PID1: variants seen among roughly 807,000 people sequenced by gnomAD.
PID1 encodes phosphotyrosine interaction domain containing 1.
In PID1, 10 loss-of-function variants were observed where a neutral mutation model predicts 19.1. That is an observed-to-expected ratio of 0.52 (90% CI 0.32 to 0.89). The LOEUF is 0.89. PID1 is among the 40% of genes least tolerant of loss of function. The probability of loss-of-function intolerance (pLI) is 0.03; values close to 1 mark genes in which losing one functional copy is unlikely to be tolerated. For missense variants in PID1, 248 were observed against 285.3 expected, an observed-to-expected ratio of 0.87 and a Z score of 0.94; for synonymous variants, 130 against 116.0, an observed-to-expected ratio of 1.12 and a Z score of -0.78.
At chr2:229,263,077 G>A (rs577534893) in intron 1 of PID1, among the ~76,000 whole-genome samples, 1 of 152,344 alleles carries the variant, frequency 6.6e-6, no homozygotes, top group South Asian at 2.1e-4. Context: ...AATAACATAT[G>A]GAGGCTTGGG....
At chr2:229,191,380 T>C (rs544027545) in intron 1 of PID1, among the ~76,000 whole-genome samples, 1 of 152,210 alleles carries the variant, frequency 6.6e-6, no homozygotes, top group East Asian at 1.9e-4. Context: ...ACACCCTCTC[T>C]CAAGAGAAAG....
chr2:229,030,840 T>C (rs1022661228), intron 2 of PID1, among the ~76,000 whole-genome samples: 1 of 152,136 alleles, frequency 6.6e-6, no homozygotes, highest in Non-Finnish European at 1.5e-5. Flanking sequence ...ACTGGAGAGA[T>C]GAGTGGAGCA....
chr2:229,230,792 C>A (rs969474901), intron 1 of PID1, among the ~76,000 whole-genome samples: 9 of 152,122 alleles, frequency 5.9e-5, no homozygotes, highest in Non-Finnish European at 1.3e-4. Flanking sequence ...TTTATACACA[C>A]ACACACATAT....
At chr2:229,050,239 T>C (rs768382161) in intron 2 of PID1, among the ~76,000 whole-genome samples, 2 of 152,122 alleles carry the variant, frequency 1.3e-5, no homozygotes, top group Non-Finnish European at 1.5e-5. Flanking sequence ...CATTAGAGCG[T>C]GTGGTCATTA....
intron 2 of PID1, among the ~76,000 whole-genome samples, chr2:229,085,365 CTCCGT>C (rs925238570): frequency 7.2e-5 from 11 of 152,094 alleles, no homozygotes; most frequent in Non-Finnish European, 1.3e-4. Flanking sequence ...GTCTTCTGAC[CTCCGT>C]AAGAACATGA....
intron 1 of PID1, among the ~76,000 whole-genome samples, chr2:229,172,565 G>A (rs1690731507): frequency 6.6e-6 from 1 of 152,050 alleles, no homozygotes; most frequent in Non-Finnish European, 1.5e-5. Flanking sequence ...GTCTATCTCT[G>A]TGTCTTAATT....
At chr2:229,044,964 T>TC (rs1693844471) in intron 2 of PID1, among the ~76,000 whole-genome samples, 5 of 151,526 alleles carry the variant, frequency 3.3e-5, no homozygotes, top group African/African-American at 9.7e-5. Flanking sequence ...TCAGGGTAGT[T>TC]TTTTTTTTAG....
Position 229,164,450 on chromosome 2 carries a change from C to T in PID1, c.31-8486G>A, listed in dbSNP as rs1177739554. ...GTCAACATGTCTGTCTGTCATTGCA[C>T]TCAATGAGGATGGGACATGAACAAG... On this transcript the variant is annotated intron_variant, in intron 1 of 2. Transcript: ENST00000392055. 2.6e-5 allele frequency among the ~76,000 whole-genome samples: 4 copies of T among 152,188 alleles called. No individual in the cohort carries two copies. In the East Asian group the frequency reaches 5.8e-4, roughly 22 times the overall value.
At chr2:229,237,841 A>G (rs888914718) in intron 1 of PID1, among the ~76,000 whole-genome samples, 1 of 152,220 alleles carries the variant, frequency 6.6e-6, no homozygotes, top group Non-Finnish European at 1.5e-5. Context: ...AAGGAAGTCT[A>G]TGGAATTACT....
chr2:229,208,000 C>A (rs552229440), intron 1 of PID1, among the ~76,000 whole-genome samples: 1 of 152,316 alleles, frequency 6.6e-6, no homozygotes, highest in Non-Finnish European at 1.5e-5. Context: ...CTCCATTTTA[C>A]AACTCAAGCA....
chr2:229,211,497 A>AT, intron 1 of PID1, among the ~76,000 whole-genome samples: 1 of 152,320 alleles, frequency 6.6e-6, no homozygotes, highest in South Asian at 2.1e-4. Context: ...TTAGCTGTTT[A>AT]TTGGTCATAT....
At chr2:229,171,720 T>C (rs551587217) in intron 1 of PID1, among the ~76,000 whole-genome samples, 1 of 152,208 alleles carries the variant, frequency 6.6e-6, no homozygotes, top group Non-Finnish European at 1.5e-5. Flanking sequence ...AATTAATGAA[T>C]AGGTGAGTGA....
chr2:229,131,913 T>C (rs1478891167), intron 2 of PID1, among the ~76,000 whole-genome samples: 5 of 152,224 alleles, frequency 3.3e-5, no homozygotes, highest in South Asian at 2.1e-4. Flanking sequence ...AGATTAGTTA[T>C]GATCTAGTAC....
At chr2:229,155,018 A>G (rs937170247) in intron 2 of PID1, among the ~76,000 whole-genome samples, 1 of 152,262 alleles carries the variant, frequency 6.6e-6, no homozygotes, top group African/African-American at 2.4e-5. Context: ...ATTCTGAGGC[A>G]TGAATATTAG....
intron 2 of PID1, among the ~76,000 whole-genome samples, chr2:229,070,852 C>T (rs1694437511): frequency 6.6e-6 from 1 of 152,026 alleles, no homozygotes; most frequent in African/African-American, 2.4e-5. Flanking sequence ...ATCAGCTTAC[C>T]CAGATGTGGA....
At chr2:229,202,485 T>C (rs1574717543) in intron 1 of PID1, among the ~76,000 whole-genome samples, 1 of 151,952 alleles carries the variant, frequency 6.6e-6, no homozygotes, top group Non-Finnish European at 1.5e-5. Context: ...AGGTAAGGGG[T>C]TTGGCATGAG....
At chr2:229,038,895 T>G (rs1693714396) in intron 2 of PID1, among the ~76,000 whole-genome samples, 1 of 152,214 alleles carries the variant, frequency 6.6e-6, no homozygotes, top group Non-Finnish European at 1.5e-5. Flanking sequence ...TGTGGAATTC[T>G]TTTTGTAGGA....
In PID1 at chr2:229,271,132, G is replaced by A. The variant is rs1690727601; in HGVS notation, c.-89C>T. On this transcript the variant is annotated 5_prime_UTR_variant, in exon 1 of 3. Transcript: ENST00000392055. ...GGGGCTGGGGTCCCGCTTTACATCTGGGGTCGGTGTCCGCGGGATGTGCGT... is the reference window on the plus strand; with the variant it reads ...GGGGCTGGGGTCCCGCTTTACATCTAGGGTCGGTGTCCGCGGGATGTGCGT... 7.0e-7 allele frequency: 1 copy of A among 1,423,482 alleles called. No homozygotes were observed. Among genetic ancestry groups the A allele is most frequent in the East Asian group, 2.7e-5 (1 of 37,440 alleles). 88.2% of individuals were successfully genotyped at this position (1,423,482 alleles called of 1,614,324 possible).
At chr2:229,062,421 A>T (rs73099468) in intron 2 of PID1, among the ~76,000 whole-genome samples, 10,610 of 151,934 alleles carry the variant, frequency 0.07, 1,238 homozygotes, top group African/African-American at 0.24. Flanking sequence ...CATCCTTGTA[A>T]CCCAGGAATA....
Sources: allele counts gnomAD v4.1 joint callset (sites outside exome capture counted in the v4.1 genomes callset), GRCh38; gene constraint gnomAD v4.1.1; transcripts MANE v1.5; gene names NCBI Gene and HGNC (gene_info 2026-07-23, HGNC 2026-07-21).